The following ZNF365 variants were observed in gnomAD, a reference collection of about 807,000 sequenced individuals.
The protein encoded by ZNF365 is zinc finger protein 365, also known as protein ZNF365.
Under a neutral mutation model 35.0 loss-of-function variants are expected in ZNF365, and 22 were observed. The observed-to-expected ratio is 0.63, with a 90% CI of 0.45 to 0.90. The LOEUF (loss-of-function observed/expected upper bound fraction) is 0.90. ZNF365 is among the 40% of genes least tolerant of loss of function. The pLI, the probability that ZNF365 is intolerant of heterozygous loss-of-function variation, is 0.00. For missense variants in ZNF365, 448 were observed against 500.3 expected (o/e 0.90, Z 1.00); for synonymous variants, 188 against 196.2 (o/e 0.96, Z 0.35).
At chr10:62,460,147 T>C (rs1840824119) in intron 4 of ZNF365, among the ~76,000 whole-genome samples, 1 of 152,206 alleles carries the variant, frequency 6.6e-6, no homozygotes, top group African/African-American at 2.4e-5. Context: ...GGTGATGGCA[T>C]GGAGGCTGTA....
intron 3 of ZNF365, among the ~76,000 whole-genome samples, chr10:62,408,897 C>T (rs1464223233): frequency 1.3e-5 from 2 of 152,078 alleles, no homozygotes; most frequent in Non-Finnish European, 2.9e-5. Flanking sequence ...TTTTTATTCC[C>T]CAGCAGGGTC....
chr10:62,447,535 C>T lies in ZNF365; in HGVS notation c.925-12206C>T, dbSNP rs1204781794. Among the ~76,000 whole-genome samples the T allele has an allele frequency of 2.0e-5, 3 of 152,232 alleles. No individual in the cohort carries two copies. In the East Asian group the frequency reaches 5.8e-4, roughly 29 times the overall value. On this transcript the variant is annotated intron_variant, in intron 3 of 4. Coordinates refer to the ZNF365 transcript ENST00000395255. Reference sequence around the variant, plus strand: ...TTAAAAGTCACTGGCTGAGAAAAGTCGGATTCCATTGCTAGTTTTGATTTG... The same window carrying T: ...TTAAAAGTCACTGGCTGAGAAAAGTTGGATTCCATTGCTAGTTTTGATTTG...
At chr10:62,389,578 AG>A (rs1201367679) in intron 3 of ZNF365, among the ~76,000 whole-genome samples, 1 of 152,192 alleles carries the variant, frequency 6.6e-6, no homozygotes, top group East Asian at 1.9e-4. Flanking sequence ...GCTTTCTGGA[AG>A]CCAGGGTGAA....
chr10:62,428,060 A>AT (rs1255198134), intron 3 of ZNF365, among the ~76,000 whole-genome samples: 2 of 152,050 alleles, frequency 1.3e-5, no homozygotes, highest in Non-Finnish European at 2.9e-5. Flanking sequence ...TTTTTGTATC[A>AT]TTTTTTACCT....
intron 2 of ZNF365, among the ~76,000 whole-genome samples, chr10:62,387,291 G>A (rs945897410): frequency 2.6e-5 from 4 of 152,094 alleles, no homozygotes; most frequent in Non-Finnish European, 5.9e-5. Flanking sequence ...AAGGAAAACC[G>A]TGTATGTGTG....
At chr10:62,404,474 CTACTAT>C (rs1367164538), downstream of ZNF365, among the ~76,000 whole-genome samples, 3 of 152,166 alleles carry the variant, frequency 2.0e-5, no homozygotes, top group African/African-American at 4.8e-5. Context: ...TGTCTCTGAG[CTACTAT>C]TTCCTTTGAG....
chr10:62,430,351 T>C, intron 3 of ZNF365, among the ~76,000 whole-genome samples: 1 of 151,980 alleles, frequency 6.6e-6, no homozygotes. Context: ...CGGCTAATTT[T>C]TTGTATTTTT....
chr10:62,448,458 A>G (rs1012111265), intron 3 of ZNF365, among the ~76,000 whole-genome samples: 3 of 152,198 alleles, frequency 2.0e-5, no homozygotes, highest in African/African-American at 7.2e-5. Flanking sequence ...GATAAAAATA[A>G]TGTCGAAAGT....
intron 3 of ZNF365, among the ~76,000 whole-genome samples, chr10:62,458,085 G>A (rs531111063): frequency 6.6e-6 from 1 of 152,292 alleles, no homozygotes; most frequent in Admixed American, 6.5e-5. Context: ...GGGAAAAGAG[G>A]AGAGAGATGA....
chr10:62,394,657 A>G (rs150228394), intron 3 of ZNF365, among the ~76,000 whole-genome samples: 253 of 152,348 alleles, frequency 1.7e-3, no homozygotes, highest in Middle Eastern at 3.4e-3. Context: ...ACAAGAACAT[A>G]AATGCTCAAG....
In ZNF365 at chr10:62,376,635, C is replaced by T. The variant is rs183722776; in HGVS notation, c.442C>T (p.Leu148=). The change falls in exon 2 of 5, where the codon CTG becomes TTG. Residue 148 remains leucine, a synonymous_variant. Coordinates refer to ENST00000395254, the MANE Select transcript of ZNF365 (RefSeq NM_014951.3). ...SLDGTRSGPG[L]PTSDTKASFE... ...GGATGGGACACGGTCGGGTCCTGGA[C>T]TGCCCACCTCAGACACCAAAGCTTC... 9.2e-5 allele frequency: 149 copies of T among 1,614,180 alleles called. No individual in the cohort carries two copies. In the African/African-American group the frequency reaches 1.7e-3, roughly 18 times the overall value.
At chr10:62,463,444 T>C (rs1202522560) in intron 4 of ZNF365, among the ~76,000 whole-genome samples, 1 of 152,240 alleles carries the variant, frequency 6.6e-6, no homozygotes, top group Non-Finnish European at 1.5e-5. Context: ...CACTAAGCCA[T>C]TGAAATGTTG....
intron 3 of ZNF365, among the ~76,000 whole-genome samples, chr10:62,410,426 CAGGTAAA>C (rs1839968483): frequency 1.3e-5 from 2 of 152,132 alleles, no homozygotes; most frequent in Non-Finnish European, 2.9e-5. Flanking sequence ...ATTTGTTACA[CAGGTAAA>C]CATGTGCCAT....
chr10:62,434,748 C>T (rs1371260835), intron 3 of ZNF365, among the ~76,000 whole-genome samples: 3 of 152,210 alleles, frequency 2.0e-5, no homozygotes, highest in Admixed American at 1.3e-4. Flanking sequence ...AGAGTGCAAG[C>T]TCTGGGCAGC....
intron 1 of ZNF365, chr10:62,375,973 C>T (rs2132405180): frequency 3.7e-6 from 2 of 546,742 alleles, no homozygotes; most frequent in East Asian, 6.0e-5. Flanking sequence ...ATAAATAATA[C>T]AGAAATTGAT....
In ZNF365 at chr10:62,376,644, T is replaced by C. The variant is rs756595844; in HGVS notation, c.451T>C (p.Ser151Pro). The C allele has an allele frequency of 1.9e-6, 3 of 1,614,108 alleles. No homozygotes were observed. Among genetic ancestry groups the C allele is most frequent in the Non-Finnish European group, 8.5e-7 (1 of 1,180,038 alleles). Residue 151 changes from serine (S) to proline (P), a missense_variant, in exon 2 of 5, where the codon TCA becomes CCA. Physicochemically the swap from Ser to Pro is moderately conservative, Grantham distance 74 (BLOSUM62 -1). This residue lies in a region of ZNF365 where 362 missense variants were observed against 375.7 expected (regional missense o/e 0.96). Coordinates refer to ENST00000395254, the MANE Select transcript of ZNF365 (RefSeq NM_014951.3). ...GTRSGPGLPT[S>P]DTKASFEAHV... is the part of the protein sequence containing the mutation. ...ACGGTCGGGTCCTGGACTGCCCACCTCAGACACCAAAGCTTCTTTCGAGGC... is the reference window on the plus strand; with the variant it reads ...ACGGTCGGGTCCTGGACTGCCCACCCCAGACACCAAAGCTTCTTTCGAGGC...
At chr10:62,455,577 ATTATAT>A (rs886257667) in intron 3 of ZNF365, among the ~76,000 whole-genome samples, 3 of 151,772 alleles carry the variant, frequency 2.0e-5, no homozygotes, top group Admixed American at 6.6e-5. Context: ...AAAATTAAAT[ATTATAT>A]TTATATTTAA....
At chr10:62,436,668 C>T (rs1840412418) in intron 3 of ZNF365, among the ~76,000 whole-genome samples, 1 of 152,140 alleles carries the variant, frequency 6.6e-6, no homozygotes, top group Non-Finnish European at 1.5e-5. Context: ...TGACCAACAT[C>T]ATTGCACTTA....
At chr10:62,458,257 T>C (rs1353721573) in intron 3 of ZNF365, among the ~76,000 whole-genome samples, 1 of 152,216 alleles carries the variant, frequency 6.6e-6, no homozygotes, top group Non-Finnish European at 1.5e-5. Flanking sequence ...AGCCTCCTCC[T>C]GAGTATATCT....
Sources: allele counts gnomAD v4.1 joint callset (sites outside exome capture counted in the v4.1 genomes callset), GRCh38; gene constraint gnomAD v4.1.1; regional missense constraint gnomAD v4.1.1; transcripts MANE v1.5; gene names NCBI Gene and HGNC (gene_info 2026-07-23, HGNC 2026-07-21).